TBC1D5: variants seen among roughly 807,000 people sequenced by gnomAD.
TBC1D5 encodes the protein TBC1 domain family member 5.
A neutral mutation model predicts 100.3 loss-of-function variants in TBC1D5; 75 were observed. The observed-to-expected ratio is 0.75, with a 90% CI of 0.62 to 0.91. The LOEUF (loss-of-function observed/expected upper bound fraction) is 0.91, where lower values mean the gene tolerates loss of function less well. TBC1D5 is among the 40% of genes least tolerant of loss of function. The pLI is 0.00. For missense variants in TBC1D5, 910 were observed against 942.4 expected, an observed-to-expected ratio of 0.97 and a Z score of 0.45; for synonymous variants, 323 against 325.6, an observed-to-expected ratio of 0.99 and a Z score of 0.09.
At chr3:17,247,082 G>A (rs2076798760) in intron 16 of TBC1D5, among the ~76,000 whole-genome samples, 4 of 152,242 alleles carry the variant, frequency 2.6e-5, no homozygotes, top group Admixed American at 2.0e-4. Context: ...TTGGAGACTG[G>A]GTAGGTAAGG....
At position 17,479,857 on chromosome 3, in the gene TBC1D5, C is replaced by T. The variant is rs186679543; in HGVS notation, c.97+28617G>A. On this transcript the variant is annotated intron_variant, in intron 3 of 21. Transcript: ENST00000253692. ...TGCATGCTCTATGAACCTGCGGGAG[C>T]GAGGGACAGGCAGGGAGCCCCTCTT... 5.3e-5 allele frequency among the ~76,000 whole-genome samples: 8 copies of T among 152,200 alleles called. No homozygotes were observed. In the East Asian group the frequency reaches 9.7e-4, roughly 18 times the overall value.
chr3:17,531,912 G>A (rs1343731770), intron 2 of TBC1D5, among the ~76,000 whole-genome samples: 1 of 152,094 alleles, frequency 6.6e-6, no homozygotes, highest in African/African-American at 2.4e-5. Flanking sequence ...TACCATTCAG[G>A]ACATAGGCAT....
chr3:17,695,481 A>G (rs2071897208), intron 1 of TBC1D5, among the ~76,000 whole-genome samples: 1 of 152,200 alleles, frequency 6.6e-6, no homozygotes. Flanking sequence ...TAAACCAATA[A>G]AGATCCAAAG....
At chr3:17,254,646 G>T (rs2077470802) in intron 16 of TBC1D5, among the ~76,000 whole-genome samples, 1 of 150,876 alleles carries the variant, frequency 6.6e-6, no homozygotes, top group Non-Finnish European at 1.5e-5. Context: ...TTTCTTAATG[G>T]CATATTCTGA....
rs767536885 is a variant in TBC1D5 at position 17,449,614 on chromosome 3, A to ACT, written c.98-21096_98-21095insAG. On this transcript the variant is annotated intron_variant, in intron 3 of 21. Transcript: ENST00000253692. Reference sequence around the variant, plus strand: ...TTCCCCTCAGAGTATAAAGAAAGCCATCAGTAAGTTCGAACTGGGAACCCA... The same window carrying ACT: ...TTCCCCTCAGAGTATAAAGAAAGCCACTTCAGTAAGTTCGAACTGGGAACCCA... Among the ~76,000 whole-genome samples the ACT allele has an allele frequency of 7.2e-5, 11 of 152,280 alleles. 1 individual carries two copies. In the South Asian group the frequency reaches 2.1e-3, roughly 29 times the overall value.
chr3:17,495,039 CG>C (rs1344406857), intron 3 of TBC1D5, among the ~76,000 whole-genome samples: 1 of 152,222 alleles, frequency 6.6e-6, no homozygotes, highest in Middle Eastern at 3.2e-3. Flanking sequence ...GTGCGGCTCC[CG>C]GGTGGCCCCT....
intron 2 of TBC1D5, among the ~76,000 whole-genome samples, chr3:17,596,247 G>C (rs1183251883): frequency 6.6e-6 from 1 of 151,888 alleles, no homozygotes; most frequent in African/African-American, 2.4e-5. Context: ...TATTAAAATG[G>C]AGATTCACAA....
At chr3:17,238,130 G>A (rs776487427) in intron 17 of TBC1D5, 33 bp downstream of exon 17, 5 of 1,596,288 alleles carry the variant, frequency 3.1e-6, no homozygotes, top group Non-Finnish European at 4.3e-6. Context: ...CACCATGAAT[G>A]TTTTCTTTAG....
intron 10 of TBC1D5, among the ~76,000 whole-genome samples, chr3:17,375,440 G>T (rs1026946520): frequency 6.6e-6 from 1 of 151,920 alleles, no homozygotes; most frequent in African/African-American, 2.4e-5. Flanking sequence ...GGTGGTGCCC[G>T]CCTGTAGTCT....
chr3:17,473,247 T>C (rs1350025231), intron 3 of TBC1D5, among the ~76,000 whole-genome samples: 1 of 152,130 alleles, frequency 6.6e-6, no homozygotes, highest in African/African-American at 2.4e-5. Context: ...TCTGTGTCTA[T>C]TATAAGTTTT....
chr3:17,374,040 T>C (rs965752020), intron 12 of TBC1D5, among the ~76,000 whole-genome samples: 1 of 152,108 alleles, frequency 6.6e-6, no homozygotes, highest in Non-Finnish European at 1.5e-5. Flanking sequence ...GTTAAAAATA[T>C]GAATAAGAGG....
chr3:17,439,689 T>C (rs2094605804), intron 3 of TBC1D5, among the ~76,000 whole-genome samples: 1 of 152,166 alleles, frequency 6.6e-6, no homozygotes, highest in Non-Finnish European at 1.5e-5. Flanking sequence ...AAGAAAAGAA[T>C]TCTAAATCCA....
At chr3:17,382,646 A>C (rs777776580) in intron 9 of TBC1D5, among the ~76,000 whole-genome samples, 62 of 151,558 alleles carry the variant, frequency 4.1e-4, no homozygotes, top group Non-Finnish European at 8.0e-4. Flanking sequence ...CTGCAGCCTC[A>C]AACTCCTGGT....
At chr3:17,484,233 C>T (rs1677258743) in intron 3 of TBC1D5, among the ~76,000 whole-genome samples, 1 of 152,132 alleles carries the variant, frequency 6.6e-6, no homozygotes, top group African/African-American at 2.4e-5. Flanking sequence ...CGATATGAAA[C>T]CTGTCACACT....
At chr3:17,702,798 T>A (rs919727746) in intron 1 of TBC1D5, among the ~76,000 whole-genome samples, 20 of 152,154 alleles carry the variant, frequency 1.3e-4, no homozygotes, top group Admixed American at 1.3e-3. Context: ...GAAAAAAAGC[T>A]GGCCTGAGTG....
intron 8 of TBC1D5, among the ~76,000 whole-genome samples, chr3:17,389,419 C>G (rs1014264595): frequency 6.6e-6 from 1 of 152,048 alleles, no homozygotes; most frequent in Non-Finnish European, 1.5e-5. Flanking sequence ...ACCAGTTTCT[C>G]AAAAAATAAA....
chr3:17,636,109 C>T lies in TBC1D5; in HGVS notation c.-100-12196G>A, dbSNP rs1043865133. The stretch of plus-strand genomic sequence containing the variant: ...TTGAGAGGCTGAGGCAGGAGAATCG[C>T]TGGGACCCGGGAGGCAGAGATTGCA... On this transcript the variant is annotated intron_variant, in intron 1 of 21. Coordinates refer to ENST00000253692, the Ensembl canonical transcript of TBC1D5. Among the ~76,000 whole-genome samples, 3 of 152,044 alleles carry T rather than the reference C, an allele frequency of 2.0e-5. No individual in the cohort carries two copies. In the East Asian group the frequency reaches 5.8e-4, roughly 29 times the overall value.
At chr3:17,364,864 T>C (rs2092001511) in intron 13 of TBC1D5, among the ~76,000 whole-genome samples, 1 of 152,344 alleles carries the variant, frequency 6.6e-6, no homozygotes, top group South Asian at 2.1e-4. Context: ...TGAACACTGA[T>C]TGAGTGCTTA....
intron 18 of TBC1D5, among the ~76,000 whole-genome samples, chr3:17,196,866 T>G (rs566519413): frequency 2.0e-5 from 3 of 152,292 alleles, no homozygotes; most frequent in Non-Finnish European, 4.4e-5. Context: ...AAATGTGAAC[T>G]TGTTTCAATG....
Sources: allele counts gnomAD v4.1 joint callset (sites outside exome capture counted in the v4.1 genomes callset), GRCh38; gene constraint gnomAD v4.1.1; transcripts MANE v1.5; gene names NCBI Gene and HGNC (gene_info 2026-07-23, HGNC 2026-07-21).